The following SEMG1 variants were observed in gnomAD, a reference collection of about 807,000 sequenced individuals.
The protein encoded by SEMG1 is semenogelin-1.
In SEMG1, 6 loss-of-function variants were observed where a neutral mutation model predicts 8.8. The ratio of observed to expected loss-of-function variants is 0.68; its 90% CI spans 0.37 to 1.35. The LOEUF (loss-of-function observed/expected upper bound fraction) is 1.35. SEMG1 is among the 40% of genes most tolerant of loss of function. The pLI, the probability that SEMG1 is intolerant of heterozygous loss-of-function variation, is 0.02. For synonymous variants in SEMG1, 221 were observed against 190.3 expected, an observed-to-expected ratio of 1.16 and a Z score of -1.33; for missense variants, 580 against 533.6, an observed-to-expected ratio of 1.09 and a Z score of -0.86.
intron 2 of SEMG1, among the ~76,000 whole-genome samples, chr20:45,208,996 C>G (rs1983784251): frequency 6.6e-6 from 1 of 152,112 alleles, no homozygotes; most frequent in Non-Finnish European, 1.5e-5. Context: ...ATATGCCTAC[C>G]TGCTAAAGGT....
At chr20:45,207,288 A>T in intron 1 of SEMG1, 86 bp from the exon 2 acceptor site, 1 of 1,450,316 alleles carries the variant, frequency 6.9e-7, no homozygotes, top group African/African-American at 1.4e-5. Context: ...AAATATCAAT[A>T]ATTTGTTGGG....
At chr20:45,207,342 T>C (rs1983714037) in intron 1 of SEMG1, 32 bp from the exon 2 acceptor site, 15 of 1,537,560 alleles carry the variant, frequency 9.8e-6, no homozygotes, top group Non-Finnish European at 1.2e-5. Flanking sequence ...TTGGAGATAA[T>C]GAATGCATAC....
chr20:45,208,257 G>T lies in SEMG1; in HGVS notation c.960G>T (p.Glu320Asp), dbSNP rs756784032. The T allele has an allele frequency of 6.2e-7, 1 of 1,607,314 alleles. No individual in the cohort carries two copies. The highest frequency in any genetic ancestry group is 1.3e-5 in the African/African-American group (1 of 74,314). The stretch of plus-strand genomic sequence containing the variant: ...GCAGTATTTATAGCCAAACTGAAGA[G>T]AAAGCACAGGGCAAGTCTCAAAAAC... ...SQSSIYSQTE[E>D]KAQGKSQKQI... The change falls in exon 2 of 3, where the codon GAG becomes GAT. Residue 320 changes from glutamate (E) to aspartate (D), a missense_variant. By Grantham distance (45) the Glu-to-Asp change is conservative. Transcript: ENST00000372781.
chr20:45,209,361 A>G (rs754192744), intron 2 of SEMG1, among the ~76,000 whole-genome samples: 4 of 152,312 alleles, frequency 2.6e-5, no homozygotes, highest in Non-Finnish European at 5.9e-5. Flanking sequence ...CATCAGGAGA[A>G]GAAAACTGAA....
At chr20:45,207,159 G>A in intron 1 of SEMG1, 30 bp downstream of exon 1, 1 of 1,613,314 alleles carries the variant, frequency 6.2e-7, no homozygotes, top group African/African-American at 1.3e-5. Flanking sequence ...CTTGGGGAAA[G>A]CTGCTCAGAC....
At position 45,208,698 on chromosome 20, in the gene SEMG1, G is replaced by A. The variant is rs373033973; in HGVS notation, c.*12G>A. On this transcript the variant is annotated 3_prime_UTR_variant, in exon 2 of 3. Coordinates refer to ENST00000372781, the MANE Select transcript of SEMG1 (RefSeq NM_003007.5). ...CATTATTTACATAAACCTACCATTCGGTAACCATGTGAAAGGATGGACCAA... is the reference window on the plus strand; with the variant it reads ...CATTATTTACATAAACCTACCATTCAGTAACCATGTGAAAGGATGGACCAA... 21 of 1,565,370 alleles carry A rather than the reference G, an allele frequency of 1.3e-5. No individual in the cohort carries two copies. Among genetic ancestry groups the A allele is most frequent in the Middle Eastern group, 1.7e-4 (1 of 5,890 alleles).
chr20:45,207,786 A>G lies in SEMG1; in HGVS notation c.489A>G (p.Glu163=), dbSNP rs140620720. 278 of 1,614,094 alleles carry G rather than the reference A, an allele frequency of 1.7e-4. No homozygotes were observed. The African/African-American group carries it at 3.4e-3, about 20-fold the overall frequency. Residue 163 remains glutamate, a synonymous_variant, in exon 2 of 3, where the codon GAA becomes GAG. Transcript: ENST00000372781. ...TATCCAGTCAATATTCAAACACAGA[A>G]GAAAGGCTGTGGGTTCATGGACTAA... ...KGISSQYSNT[E]ERLWVHGLSK... is the part of the protein sequence containing the mutation.
Position 45,207,917 on chromosome 20 carries a change from A to G in SEMG1, c.620A>G (p.Gln207Arg). 6.2e-7 allele frequency: 1 copy of G among 1,614,142 alleles called. No homozygotes were observed. Among genetic ancestry groups the G allele is most frequent in the Non-Finnish European group, 8.5e-7 (1 of 1,179,984 alleles). ...QTEELVANKQ[Q>R]RETKNSHQNK... ...GAAGAGCTAGTAGCTAACAAACAAC[A>G]ACGTGAGACTAAAAATTCTCATCAA... The change falls in exon 2 of 3, where the codon CAA becomes CGA. Residue 207 changes from glutamine to arginine, a missense_variant. Physicochemically the swap from Gln to Arg is conservative, Grantham distance 43. Transcript: ENST00000372781.
Position 45,207,773 on chromosome 20 carries a change from A to G in SEMG1, c.476A>G (p.Tyr159Cys). The change falls in exon 2 of 3, where the codon TAT becomes TGT. Residue 159 changes from tyrosine (Y) to cysteine (C), a missense_variant. Coordinates refer to ENST00000372781, the MANE Select transcript of SEMG1 (RefSeq NM_003007.5). ...SPSGKGISSQ[Y>C]SNTEERLWVH... Reference sequence around the variant, plus strand: ...TCTGGAAAGGGAATATCCAGTCAATATTCAAACACAGAAGAAAGGCTGTGG... The same window carrying G: ...TCTGGAAAGGGAATATCCAGTCAATGTTCAAACACAGAAGAAAGGCTGTGG... The G allele has an allele frequency of 1.2e-6, 2 of 1,614,024 alleles. No individual in the cohort carries two copies. Among genetic ancestry groups the G allele is most frequent in the South Asian group, 1.1e-5 (1 of 91,060 alleles).
rs1444163176 is a variant in SEMG1 at position 45,208,287 on chromosome 20, A to T, written c.990A>T (p.Ile330=). The change falls in exon 2 of 3, where the codon ATA becomes ATT. Residue 330 remains isoleucine (I), a synonymous_variant. Coordinates refer to ENST00000372781, the MANE Select transcript of SEMG1 (RefSeq NM_003007.5). ...EKAQGKSQKQ[I]TIPSQEQEHS... is the part of the protein sequence containing the mutation. ...CACAGGGCAAGTCTCAAAAACAGAT[A>T]ACAATTCCCAGTCAAGAGCAAGAGC... 1 of 1,610,864 alleles carries T rather than the reference A, an allele frequency of 6.2e-7. No individual in the cohort carries two copies. Among genetic ancestry groups the T allele is most frequent in the East Asian group, 2.2e-5 (1 of 44,874 alleles).
chr20:45,208,143 G>T lies in SEMG1; in HGVS notation c.846G>T (p.Lys282Asn), dbSNP rs1369839559. The change falls in exon 2 of 3, where the codon AAG (lysine) becomes AAT (asparagine). Residue 282 changes from lysine (K) to asparagine (N), a missense_variant. Coordinates refer to ENST00000372781, the MANE Select transcript of SEMG1 (RefSeq NM_003007.5). ...NLNQDQQHGR[K>N]ANKISYQSSS... ...ATCAAGATCAACAGCATGGCCGAAA[G>T]GCAAATAAAATATCATACCAATCTT... is the stretch of plus-strand genomic sequence containing the variant. 1.4e-5 allele frequency: 23 copies of T among 1,613,888 alleles called. No individual in the cohort carries two copies. The highest frequency in any genetic ancestry group is 5.3e-5 in the African/African-American group (4 of 74,878).
chr20:45,208,754 G>A (rs774340706), intron 2 of SEMG1, 24 bp downstream of exon 2: 6 of 1,051,802 alleles, frequency 5.7e-6, no homozygotes, highest in East Asian at 4.7e-5. Context: ...AGCAAATAGG[G>A]GAGATATCTC....
Position 45,207,636 on chromosome 20 carries a change from C to T in SEMG1, c.339C>T (p.Gly113=). ...AACTGCTCCATAATAAACAAGAAGGCAGAGACCATGATAAATCAAAAGGTC... is the reference window on the plus strand; with the variant it reads ...AACTGCTCCATAATAAACAAGAAGGTAGAGACCATGATAAATCAAAAGGTC... ...SQQLLHNKQE[G]RDHDKSKGHF... Residue 113 remains glycine (G), a synonymous_variant, in exon 2 of 3, where the codon GGC becomes GGT. Transcript: ENST00000372781. The T allele has an allele frequency of 1.2e-6, 2 of 1,613,812 alleles. No homozygotes were observed. The highest frequency in any genetic ancestry group is 1.7e-6 in the Non-Finnish European group (2 of 1,179,860).
rs756976812 is a variant in SEMG1, at chr20:45,207,787, G to T, written c.490G>T (p.Glu164Ter). Residue 164 changes from glutamate (E) to a stop codon, truncating the protein, a stop_gained, in exon 2 of 3, where the codon GAA (glutamate) becomes TAA (stop). Transcript: ENST00000372781. LOFTEE classifies it low-confidence loss of function (END_TRUNC). ...ATCCAGTCAATATTCAAACACAGAA[G>T]AAAGGCTGTGGGTTCATGGACTAAG... ...GISSQYSNTE[E>*]RLWVHGLSKE... 1.9e-6 allele frequency: 3 copies of T among 1,614,034 alleles called. No individual in the cohort carries two copies. Among genetic ancestry groups the T allele is most frequent in the Middle Eastern group, 1.7e-4 (1 of 6,060 alleles).
In SEMG1 at chr20:45,208,548, A is replaced by G. The variant is rs768766273; in HGVS notation, c.1251A>G (p.Leu417=). 18 of 1,613,952 alleles carry G rather than the reference A, an allele frequency of 1.1e-5. No individual in the cohort carries two copies. The highest frequency in any genetic ancestry group is 1.5e-5 in the Non-Finnish European group (18 of 1,179,932). The change falls in exon 2 of 3, where the codon CTA becomes CTG. Residue 417 remains leucine, a synonymous_variant. Transcript: ENST00000372781. ...AATCTACAAATAGAGAACAAGACCT[A>G]CTCAGTCATGAACAAAAAGGCAGAC... The part of the protein sequence containing the change: ...SGQSTNREQD[L]LSHEQKGRHQ...
rs1316859513 is a variant in SEMG1 at position 45,207,802 on chromosome 20, C to A, written c.505C>A (p.His169Asn). The A allele has an allele frequency of 1.4e-5, 22 of 1,614,054 alleles. No individual in the cohort carries two copies. The highest frequency in any genetic ancestry group is 1.9e-5 in the Non-Finnish European group (22 of 1,179,970). ...AAACACAGAAGAAAGGCTGTGGGTTCATGGACTAAGTAAAGAACAAACTTC... is the reference window on the plus strand; with the variant it reads ...AAACACAGAAGAAAGGCTGTGGGTTAATGGACTAAGTAAAGAACAAACTTC... The part of the protein sequence containing the change: ...YSNTEERLWV[H>N]GLSKEQTSVS... The change falls in exon 2 of 3, where the codon CAT (histidine) becomes AAT (asparagine). Residue 169 changes from histidine to asparagine, a missense_variant. Transcript: ENST00000372781.
chr20:45,209,570 T>G (rs1318920436), intron 2 of SEMG1, 31 bp from the exon 3 acceptor site: 2 of 152,224 alleles, frequency 1.3e-5, no homozygotes, highest in Admixed American at 6.5e-5. Context: ...TTTACTATAC[T>G]CACATCACTG....
intron 1 of SEMG1, 87 bp from the exon 2 acceptor site, chr20:45,207,287 T>C (rs1480883830): frequency 1.4e-6 from 2 of 1,450,740 alleles, no homozygotes; most frequent in Non-Finnish European, 1.9e-6. Flanking sequence ...GAAATATCAA[T>C]AATTTGTTGG....
rs150024782 is a variant in SEMG1 at position 45,207,610 on chromosome 20, C to T, written c.313C>T (p.Gln105Ter). Residue 105 changes from glutamine to a stop codon, truncating the protein, a stop_gained, in exon 2 of 3, where the codon CAA becomes TAA. Transcript: ENST00000372781. LOFTEE classifies it low-confidence loss of function (END_TRUNC). ...KSQRHLGGSQ[Q>*]LLHNKQEGRD... ...ACAACGACATCTAGGTGGAAGTCAA[C>T]AACTGCTCCATAATAAACAAGAAGG... The T allele has an allele frequency of 1.1e-5, 18 of 1,613,580 alleles. No homozygotes were observed. The highest frequency in any genetic ancestry group is 3.3e-5 in the Admixed American group (2 of 59,964).
Sources: gnomAD v4.1 joint callset for allele counts (sites outside exome capture counted in the v4.1 genomes callset) on GRCh38, gnomAD v4.1.1 for gene constraint, MANE v1.5 for transcripts, NCBI Gene and HGNC (gene_info 2026-07-23, HGNC 2026-07-21) for gene names.